The following TRPA1 variants were observed in gnomAD, a reference collection of about 807,000 sequenced individuals.
The protein encoded by TRPA1 is transient receptor potential cation channel subfamily A member 1, also known as ankyrin-like with transmembrane domains 1.
TRPA1 carries 129 observed loss-of-function variants against 131.3 expected under a neutral mutation model. That is an observed-to-expected ratio of 0.98 (90% CI 0.85 to 1.14). The LOEUF (loss-of-function observed/expected upper bound fraction) is 1.14, where lower values mean the gene tolerates loss of function less well. Among genes scored for constraint, TRPA1 ranks in the 50% most tolerant of loss-of-function variants. TRPA1 has a pLI of 0.00. For missense variants in TRPA1, 1,304 were observed against 1,354.2 expected, an observed-to-expected ratio of 0.96 and a Z score of 0.58; for synonymous variants, 441 against 451.7, an observed-to-expected ratio of 0.98 and a Z score of 0.30.
chr8:72,032,183 GTTTGGACTGAATTAAAGC>G (rs887125732), intron 23 of TRPA1, among the ~76,000 whole-genome samples: 1 of 152,204 alleles, frequency 6.6e-6, no homozygotes, highest in African/African-American at 2.4e-5. Flanking sequence ...ATGCTGATGG[GTTTGGACTGAATTAAAGC>G]TTTTGAAGAG....
chr8:72,084,414 AT>A, the TRPA1 span, among the ~76,000 whole-genome samples: 2 of 139,492 alleles, frequency 1.4e-5, no homozygotes, highest in Non-Finnish European at 3.0e-5. Flanking sequence ...AATTTGTAAG[AT>A]TTTTTTTATT....
At chr8:72,031,106 CA>C (rs1479445306) in intron 23 of TRPA1, among the ~76,000 whole-genome samples, 1 of 152,066 alleles carries the variant, frequency 6.6e-6, no homozygotes, top group Non-Finnish European at 1.5e-5. Context: ...AATAGGTAAA[CA>C]AAACAGTCAC....
chr8:72,050,997 C>A, intron 14 of TRPA1, 126 bp from the exon 15 acceptor site: 1 of 713,660 alleles, frequency 1.4e-6, no homozygotes, highest in Non-Finnish European at 2.4e-6. Flanking sequence ...ATGCAATGCT[C>A]ACCCTTGGTT....
intron 24 of TRPA1, among the ~76,000 whole-genome samples, chr8:72,029,101 C>T (rs140795147): frequency 9.9e-4 from 151 of 152,240 alleles, no homozygotes; most frequent in African/African-American, 3.3e-3. Flanking sequence ...AGCCAAATAC[C>T]TAGCCAGGAA....
rs1806067313 is a variant in TRPA1, at chr8:72,071,770, G to GCATA, written c.205_208dup (p.Ala70ValfsTer9). 6.2e-7 allele frequency: 1 copy of GCATA among 1,613,652 alleles called. No individual in the cohort carries two copies. Among genetic ancestry groups the GCATA allele is most frequent in the Non-Finnish European group, 8.5e-7 (1 of 1,179,812 alleles). ...TAGCTCAATTTGGCCTTCTGCTGCA[G>GCATA]CATAATGCAAGAAGAAGGTGTCCAT... On this transcript the variant is annotated frameshift_variant, in exon 2 of 27. Coordinates refer to ENST00000262209, the MANE Select transcript of TRPA1 (RefSeq NM_007332.3). LOFTEE classifies it high-confidence loss of function.
rs556419620 is a variant in TRPA1, at chr8:72,065,550, A to G, written c.453T>C (p.Leu151=). Residue 151 remains leucine (L), a synonymous_variant, in exon 4 of 27, where the codon CTT becomes CTC. Transcript: ENST00000262209. ...GMNNEVMKVL[L]EHRTIDVNLE... ...AATTAACATCAATAGTTCTATGCTC[A>G]AGCAAGACCTAAAAAAAGGGGAGAA... is the stretch of plus-strand genomic sequence containing the variant. The G allele has an allele frequency of 5.6e-6, 9 of 1,612,950 alleles. No homozygotes were observed. The highest frequency in any genetic ancestry group is 5.0e-5 in the Admixed American group (3 of 59,918).
chr8:72,030,777 T>C (rs1055071248), intron 23 of TRPA1, among the ~76,000 whole-genome samples: 3 of 151,782 alleles, frequency 2.0e-5, no homozygotes, highest in Admixed American at 2.0e-4. Flanking sequence ...ATCTTACATA[T>C]GTTCAGAAGG....
chr8:72,082,138 G>A, the TRPA1 span, among the ~76,000 whole-genome samples: 1 of 151,800 alleles, frequency 6.6e-6, no homozygotes, highest in African/African-American at 2.4e-5. Context: ...GATGTTTTCA[G>A]GTTATTTTCA....
upstream of TRPA1, chr8:72,075,595 C>T (rs1040203336): frequency 3.8e-5 from 23 of 607,966 alleles, no homozygotes; most frequent in Non-Finnish European, 6.2e-5. Context: ...AAGGAGTTCT[C>T]AGGCCCGCGC....
chr8:72,061,486 C>A (rs73687859), intron 7 of TRPA1, 139 bp downstream of exon 7: 12,123 of 945,466 alleles, frequency 0.013, 412 homozygotes, highest in East Asian at 0.071. Flanking sequence ...GGTTGATCCA[C>A]AGGGTCTTTG....
At chr8:72,067,059 T>G (rs1471322845) in intron 3 of TRPA1, among the ~76,000 whole-genome samples, 1 of 152,362 alleles carries the variant, frequency 6.6e-6, no homozygotes, top group East Asian at 1.9e-4. Context: ...GGGAATATTA[T>G]GCATACCATA....
chr8:72,040,262 T>G (rs2044273), intron 17 of TRPA1, among the ~76,000 whole-genome samples: 19,643 of 152,136 alleles, frequency 0.13, 1,449 homozygotes, highest in Middle Eastern at 0.32. Context: ...AAAATTAGTT[T>G]TTAATTATTC....
intron 21 of TRPA1, among the ~76,000 whole-genome samples, chr8:72,034,660 T>C (rs1811962900): frequency 6.6e-6 from 1 of 152,178 alleles, no homozygotes; most frequent in Admixed American, 6.5e-5. Context: ...AGTGGGGCAA[T>C]CATTGCTCAC....
At chr8:72,049,688 A>G (rs1340612524) in intron 15 of TRPA1, among the ~76,000 whole-genome samples, 1 of 152,196 alleles carries the variant, frequency 6.6e-6, no homozygotes, top group African/African-American at 2.4e-5. Flanking sequence ...AAGGGGTCAC[A>G]TGTTTAAGAA....
At chr8:72,056,816 C>A (rs780400999) in intron 10 of TRPA1, 101 bp downstream of exon 10, 10 of 824,262 alleles carry the variant, frequency 1.2e-5, no homozygotes, top group Non-Finnish European at 2.0e-5. Flanking sequence ...TTTTAAAATT[C>A]CAGAATCAGT....
chr8:72,042,489 A>G (rs58640868), intron 17 of TRPA1, among the ~76,000 whole-genome samples: 35,939 of 151,560 alleles, frequency 0.24, 4,396 homozygotes, highest in East Asian at 0.34. Flanking sequence ...AACAGTCATT[A>G]TGGAAAACAG....
In TRPA1 at chr8:72,026,698, A is replaced by T. The variant is rs73312047; in HGVS notation, c.2938-625T>A. On this transcript the variant is annotated intron_variant, in intron 24 of 26. Transcript: ENST00000262209. ...TATTTTCAGGGATAGCAAATGAGAT[A>T]TTTCCTCACATTTAATTTTTTTCAT... 3.4e-3 allele frequency among the ~76,000 whole-genome samples: 513 copies of T among 152,272 alleles called. 5 individuals carry two copies. Among genetic ancestry groups the T allele is most frequent in the African/African-American group, 0.012 (478 of 41,556 alleles).
intron 21 of TRPA1, among the ~76,000 whole-genome samples, chr8:72,036,028 A>AAAAAAG (rs1812035431): frequency 1.4e-5 from 2 of 140,998 alleles, no homozygotes; most frequent in African/African-American, 2.7e-5. Flanking sequence ...AAAAAAAAAA[A>AAAAAAG]AAGAAGAAGA....
At chr8:72,079,234 AT>A (rs935814424), upstream of TRPA1, among the ~76,000 whole-genome samples, 2 of 151,890 alleles carry the variant, frequency 1.3e-5, no homozygotes, top group African/African-American at 4.8e-5. Flanking sequence ...AAAACTTTTA[AT>A]TTTGATAAAA....
Sources: gnomAD v4.1 joint callset for allele counts (sites outside exome capture counted in the v4.1 genomes callset) on GRCh38, gnomAD v4.1.1 for gene constraint, MANE v1.5 for transcripts, NCBI Gene and HGNC (gene_info 2026-07-23, HGNC 2026-07-21) for gene names.